The following UBR7 variants were observed in gnomAD, a reference collection of about 807,000 sequenced individuals.
UBR7 encodes putative E3 ubiquitin-protein ligase UBR7.
In UBR7, 22 loss-of-function variants were observed where a neutral mutation model predicts 57.0. The ratio of observed to expected loss-of-function variants is 0.39; its 90% confidence interval spans 0.28 to 0.55. The LOEUF (loss-of-function observed/expected upper bound fraction) is 0.55, where lower values mean the gene tolerates loss of function less well. Ranked by LOEUF, UBR7 falls within the 20% of genes least tolerant of loss-of-function variation. The pLI, the probability that UBR7 is intolerant of heterozygous loss-of-function variation, is 0.69. For missense variants in UBR7, 395 were observed against 513.2 expected, an observed-to-expected ratio of 0.77 and a Z score of 2.23; for synonymous variants, 167 against 179.8, an observed-to-expected ratio of 0.93 and a Z score of 0.57.
At chr14:93,218,456 G>T in intron 6 of UBR7, 71 bp from the exon 7 acceptor site, 2 of 1,284,558 alleles carry the variant, frequency 1.6e-6, no homozygotes, top group Middle Eastern at 2.0e-4. Flanking sequence ...TTTATTGTCT[G>T]TTGGGATTTT....
intron 10 of UBR7, among the ~76,000 whole-genome samples, chr14:93,224,672 C>T (rs1377631061): frequency 3.9e-5 from 6 of 152,312 alleles, no homozygotes; most frequent in East Asian, 3.9e-4. Flanking sequence ...CCACCTCGCC[C>T]GGCCTTCCCT....
intron 6 of UBR7, among the ~76,000 whole-genome samples, chr14:93,217,237 G>C (rs1316022840): frequency 6.6e-6 from 1 of 152,174 alleles, no homozygotes; most frequent in Non-Finnish European, 1.5e-5. Flanking sequence ...ATGTTGGCCA[G>C]GCTGGTCTCG....
At position 93,227,390 on chromosome 14, in the gene UBR7, C is replaced by T. The variant is rs1375634755; in HGVS notation, c.*355C>T. 1.5e-6 allele frequency: 1 copy of T among 649,158 alleles called. No individual in the cohort carries two copies. The highest frequency in any genetic ancestry group is 1.5e-5 in the South Asian group (1 of 66,250). The allele number at this position is 649,158 out of a possible 1,614,324, so 40.2% of individuals were successfully genotyped here. ...ACTCCCAGATGTGTGTGTTTTGCCA[C>T]AGAGCTGTTGCCTTCCAGAACCTCC... is the stretch of plus-strand genomic sequence containing the variant. On this transcript the variant is annotated 3_prime_UTR_variant, in exon 11 of 11. Coordinates refer to ENST00000013070, the MANE Select transcript of UBR7 (RefSeq NM_175748.4).
intron 10 of UBR7, among the ~76,000 whole-genome samples, chr14:93,224,836 A>G (rs1254152072): frequency 1.3e-5 from 2 of 152,254 alleles, no homozygotes; most frequent in African/African-American, 2.4e-5. Context: ...TGAACTGTCA[A>G]TGGACATTTG....
Position 93,210,657 on chromosome 14 carries a change from T to C in UBR7, c.294T>C (p.Arg98=), listed in dbSNP as rs985089789. The C allele has an allele frequency of 1.5e-5, 24 of 1,606,664 alleles. No individual in the cohort carries two copies. The highest frequency in any genetic ancestry group is 1.9e-5 in the Non-Finnish European group (22 of 1,175,568). The change falls in exon 3 of 11, where the codon CGT becomes CGC. Residue 98 remains arginine, a synonymous_variant. Coordinates refer to ENST00000013070, the MANE Select transcript of UBR7 (RefSeq NM_175748.4). The part of the protein sequence containing the change: ...LFELYTKRNF[R]CDCGNSKFKN... ...TTCCTCCTTTTTTCAGAAATTTTCG[T>C]TGTGATTGTGGAAACAGCAAGTTTA...
chr14:93,219,570 A>G (rs1894662933), intron 8 of UBR7, among the ~76,000 whole-genome samples: 1 of 152,200 alleles, frequency 6.6e-6, no homozygotes, highest in South Asian at 2.1e-4. Context: ...TTACAGTTGG[A>G]ATGTTTGTGG....
rs1894637664 is a variant in UBR7, at chr14:93,218,539, C to T, written c.614C>T (p.Ser205Phe). 2 of 1,613,938 alleles carry T rather than the reference C, an allele frequency of 1.2e-6. No homozygotes were observed. Among genetic ancestry groups the T allele is most frequent in the Non-Finnish European group, 1.7e-6 (2 of 1,180,000 alleles). The part of the protein sequence containing the change: ...YAAQLAVTKI[S>F]TEDDGLVRNI... ...TTTGAACTCACAGTAACCAAAATAT[C>T]CACTGAGGATGATGGATTGGTGCGG... Residue 205 changes from serine (S) to phenylalanine (F), a missense_variant, in exon 7 of 11, where the codon TCC becomes TTC. Coordinates refer to ENST00000013070, the MANE Select transcript of UBR7 (RefSeq NM_175748.4).
chr14:93,207,305 A>C lies in UBR7; in HGVS notation c.14A>C (p.Glu5Ala). The change falls in exon 1 of 11, where the codon GAG (glutamate) becomes GCG (alanine). Residue 5 changes from glutamate to alanine, a missense_variant. Transcript: ENST00000013070. MAGA[E>A]GAAGRQSELE... Reference sequence around the variant, plus strand: ...TGACAGTTGAGGATGGCCGGAGCCGAGGGCGCCGCTGGGCGGCAGTCGGAG... The same window carrying C: ...TGACAGTTGAGGATGGCCGGAGCCGCGGGCGCCGCTGGGCGGCAGTCGGAG... 1 of 1,555,866 alleles carries C rather than the reference A, an allele frequency of 6.4e-7. No individual in the cohort carries two copies. The highest frequency in any genetic ancestry group is 8.7e-7 in the Non-Finnish European group (1 of 1,149,610).
intron 4 of UBR7, 145 bp downstream of exon 4, chr14:93,212,272 G>A: frequency 1.5e-6 from 1 of 659,204 alleles, no homozygotes; most frequent in East Asian, 2.9e-5. Flanking sequence ...TATGAATCTG[G>A]GTTGGATCTA....
At chr14:93,222,565 A>G (rs1416069237) in intron 10 of UBR7, among the ~76,000 whole-genome samples, 191 bp downstream of exon 10, 7 of 152,114 alleles carry the variant, frequency 4.6e-5, no homozygotes, top group African/African-American at 1.7e-4. Flanking sequence ...CAATATGGTG[A>G]AACCCCATCT....
At chr14:93,213,370 C>T (rs1328085524) in intron 4 of UBR7, among the ~76,000 whole-genome samples, 1 of 151,498 alleles carries the variant, frequency 6.6e-6, no homozygotes, top group East Asian at 2.0e-4. Context: ...TGCAGTGGCG[C>T]GATCTCGGCT....
rs546765394 is a variant in UBR7, at chr14:93,213,009, A to C, written c.441+882A>C. ...TGTGATTGGCTGGGCACTGTGGCTTATGCCTGTAGTCCTGGCTACGCGGGA... is the reference window on the plus strand; with the variant it reads ...TGTGATTGGCTGGGCACTGTGGCTTCTGCCTGTAGTCCTGGCTACGCGGGA... On this transcript the variant is annotated intron_variant, in intron 4 of 10. Coordinates refer to ENST00000013070, the MANE Select transcript of UBR7 (RefSeq NM_175748.4). Among the ~76,000 whole-genome samples the C allele has an allele frequency of 5.3e-5, 8 of 152,282 alleles. No homozygotes were observed. In the East Asian group the frequency reaches 1.5e-3, roughly 29 times the overall value.
intron 4 of UBR7, among the ~76,000 whole-genome samples, chr14:93,213,213 A>G (rs1225451528): frequency 1.3e-5 from 2 of 152,192 alleles, no homozygotes; most frequent in East Asian, 3.8e-4. Context: ...CAGCAACAGT[A>G]TATGATAGTG....
chr14:93,220,208 G>A, intron 8 of UBR7, 41 bp from the exon 9 acceptor site: 1 of 1,585,416 alleles, frequency 6.3e-7, no homozygotes, highest in Non-Finnish European at 8.6e-7. Context: ...GTTCTAATGG[G>A]GAAACTCCTC....
intron 9 of UBR7, among the ~76,000 whole-genome samples, chr14:93,222,021 A>G (rs1894718968): frequency 6.6e-6 from 1 of 152,152 alleles, no homozygotes; most frequent in Non-Finnish European, 1.5e-5. Context: ...CCAGAATTCC[A>G]GAGAAATAGG....
At chr14:93,213,596 C>T (rs1433282518) in intron 4 of UBR7, among the ~76,000 whole-genome samples, 1 of 152,122 alleles carries the variant, frequency 6.6e-6, no homozygotes, top group African/African-American at 2.4e-5. Context: ...CGTGAGCCAC[C>T]GCGCCCAGCC....
chr14:93,213,084 G>A (rs1299705831), intron 4 of UBR7, among the ~76,000 whole-genome samples: 2 of 152,104 alleles, frequency 1.3e-5, no homozygotes, highest in Non-Finnish European at 2.9e-5. Context: ...GTTGCAGTAA[G>A]CTGGGATTGC....
chr14:93,210,293 C>T (rs977602640), intron 2 of UBR7, among the ~76,000 whole-genome samples: 1 of 152,066 alleles, frequency 6.6e-6, no homozygotes, highest in African/African-American at 2.4e-5. Context: ...CCGAGTTAGC[C>T]AGGATGGTCT....
At chr14:93,218,758 T>C (rs1213426421) in intron 7 of UBR7, 23 bp downstream of exon 7, 1 of 1,607,876 alleles carries the variant, frequency 6.2e-7, no homozygotes, top group African/African-American at 1.3e-5. Context: ...GTACGAGCCA[T>C]CAAGAAATAA....
Sources: allele counts gnomAD v4.1 joint callset (sites outside exome capture counted in the v4.1 genomes callset), GRCh38; gene constraint gnomAD v4.1.1; transcripts MANE v1.5; gene names NCBI Gene and HGNC (gene_info 2026-07-23, HGNC 2026-07-21).